ARHGEF12: variants seen among roughly 807,000 people sequenced by gnomAD.
The protein encoded by ARHGEF12 is Rho guanine nucleotide exchange factor 12, also known as KMT2A/ARHGEF12 fusion protein.
Under a neutral mutation model 211.2 loss-of-function variants are expected in ARHGEF12, and 66 were observed. The ratio of observed to expected loss-of-function variants is 0.31; its 90% CI spans 0.26 to 0.38. The LOEUF is 0.38. ARHGEF12 is among the 10% of genes least tolerant of loss of function. ARHGEF12 has a pLI of 1.00. For synonymous variants in ARHGEF12, 592 were observed against 638.4 expected (o/e 0.93, Z 1.09); for missense variants, 1,429 against 1,869.5 (o/e 0.76, Z 4.34).
At chr11:120,444,230 T>TA (rs1310390510) in intron 15 of ARHGEF12, among the ~76,000 whole-genome samples, 1 of 152,144 alleles carries the variant, frequency 6.6e-6, no homozygotes, top group African/African-American at 2.4e-5. Context: ...TTTACTTTCC[T>TA]AAAAAAATGA....
At chr11:120,353,259 A>G (rs907701537) in intron 1 of ARHGEF12, among the ~76,000 whole-genome samples, 3 of 152,200 alleles carry the variant, frequency 2.0e-5, no homozygotes, top group African/African-American at 7.2e-5. Context: ...GAAACTCAGA[A>G]TCTTGGGAAG....
chr11:120,483,258 C>CTTTTTTTTT (rs777120176), intron 39 of ARHGEF12, among the ~76,000 whole-genome samples: 1 of 97,504 alleles, frequency 1.0e-5, no homozygotes, highest in Non-Finnish European at 1.9e-5. Context: ...CCATAATAAT[C>CTTTTTTTTT]TTTTTTTTTT....
At chr11:120,420,415 A>G (rs1018642719) in intron 4 of ARHGEF12, among the ~76,000 whole-genome samples, 3 of 152,124 alleles carry the variant, frequency 2.0e-5, no homozygotes, top group Non-Finnish European at 4.4e-5. Flanking sequence ...GCAGGGGGAG[A>G]ATTTTTTTAC....
intron 28 of ARHGEF12, among the ~76,000 whole-genome samples, chr11:120,466,210 T>C (rs1946702773): frequency 6.6e-6 from 1 of 152,262 alleles, no homozygotes; most frequent in Non-Finnish European, 1.5e-5. Flanking sequence ...GCAGTTTTCA[T>C]CTGATGCTCG....
chr11:120,437,490 A>G, intron 12 of ARHGEF12, 108 bp downstream of exon 12: 3 of 661,662 alleles, frequency 4.5e-6, no homozygotes, highest in Non-Finnish European at 6.7e-6. Flanking sequence ...TATTTTTTGG[A>G]AAAAAAATTA....
intron 27 of ARHGEF12, among the ~76,000 whole-genome samples, chr11:120,461,601 C>T (rs775305881): frequency 2.0e-5 from 3 of 152,170 alleles, no homozygotes; most frequent in Non-Finnish European, 4.4e-5. Context: ...TTTTGACATG[C>T]TGAAGTCAGA....
intron 1 of ARHGEF12, among the ~76,000 whole-genome samples, chr11:120,368,315 A>G (rs1943487946): frequency 6.6e-6 from 1 of 152,138 alleles, no homozygotes; most frequent in Non-Finnish European, 1.5e-5. Context: ...TAATTTTTTA[A>G]TTCGTTTATA....
Position 120,485,184 on chromosome 11 carries a change from C to CT in ARHGEF12, c.*108dup. On this transcript the variant is annotated 3_prime_UTR_variant, in exon 41 of 41. Transcript: ENST00000397843. Reference sequence around the variant, plus strand: ...ATGCAGAGAGAGTGTGACAGAGGATCTGCCTGTGAACCACCTGGGATTAGT... The same window carrying CT: ...ATGCAGAGAGAGTGTGACAGAGGATCTTGCCTGTGAACCACCTGGGATTAGT... The CT allele has an allele frequency of 6.8e-7, 1 of 1,464,152 alleles. No individual in the cohort carries two copies. The highest frequency in any genetic ancestry group is 9.5e-7 in the Non-Finnish European group (1 of 1,053,076). The allele number at this position is 1,464,152 out of a possible 1,614,324, so 90.7% of individuals were successfully genotyped here.
chr11:120,410,473 G>A (rs1388398175), intron 4 of ARHGEF12: 1 of 152,026 alleles, frequency 6.6e-6, no homozygotes, highest in Non-Finnish European at 1.5e-5. Flanking sequence ...AATCTATAGA[G>A]CAGAAGCTCC....
At chr11:120,402,268 G>A (rs889297919) in intron 1 of ARHGEF12, among the ~76,000 whole-genome samples, 1 of 152,126 alleles carries the variant, frequency 6.6e-6, no homozygotes, top group Admixed American at 6.5e-5. Flanking sequence ...ATTTTCAATA[G>A]TATAGTTTCT....
At position 120,429,704 on chromosome 11, in the gene ARHGEF12, C is replaced by T. The variant is rs774272680; in HGVS notation, c.664-8C>T. On this transcript the variant is annotated splice_polypyrimidine_tract_variant and splice_region_variant and intron_variant, in intron 9 of 40. Transcript: ENST00000397843. ...ATTAATTCTGAAAATATTTTTATAACTTTTCAGTTATTGCAGGAAGATTAC... is the reference window on the plus strand; with the variant it reads ...ATTAATTCTGAAAATATTTTTATAATTTTTCAGTTATTGCAGGAAGATTAC... 33 of 1,606,670 alleles carry T rather than the reference C, an allele frequency of 2.1e-5. No homozygotes were observed. The highest frequency in any genetic ancestry group is 2.8e-5 in the Non-Finnish European group (33 of 1,177,918).
intron 14 of ARHGEF12, 39 bp downstream of exon 14, chr11:120,441,856 T>C: frequency 3.9e-6 from 6 of 1,557,804 alleles, no homozygotes; most frequent in Non-Finnish European, 3.5e-6. Context: ...AGAGTTCTTC[T>C]GTTGATTCAT....
chr11:120,476,705 C>T lies in ARHGEF12; in HGVS notation c.3322C>T (p.Gln1108Ter). 6.2e-7 allele frequency: 1 copy of T among 1,613,002 alleles called. No individual in the cohort carries two copies. Among genetic ancestry groups the T allele is most frequent in the South Asian group, 1.1e-5 (1 of 90,838 alleles). ...CATTTCCATGTCAGACAATGGCGCT[C>T]AGATTTATGAACTGGTGGCACAGAC... Reference protein sequence around the residue: ...FVISMSDNGAQIYELVAQTVS... With the variant: ...FVISMSDNGA The change falls in exon 34 of 41, where the codon CAG becomes TAG. Residue 1108 changes from glutamine to a stop codon, truncating the protein, a stop_gained. Transcript: ENST00000397843. LOFTEE classifies it high-confidence loss of function.
At chr11:120,383,290 C>T (rs895396854) in intron 1 of ARHGEF12, among the ~76,000 whole-genome samples, 7 of 151,926 alleles carry the variant, frequency 4.6e-5, no homozygotes, top group Non-Finnish European at 1.0e-4. Context: ...TTTTTTGGCA[C>T]CAGGGACCGG....
At chr11:120,402,611 C>T (rs1282083718) in intron 1 of ARHGEF12, among the ~76,000 whole-genome samples, 1 of 152,044 alleles carries the variant, frequency 6.6e-6, no homozygotes, top group Non-Finnish European at 1.5e-5. Flanking sequence ...TAAGAAGAAC[C>T]AACTACAGTC....
intron 1 of ARHGEF12, among the ~76,000 whole-genome samples, chr11:120,383,412 CATT>C (rs1943933493): frequency 6.6e-6 from 1 of 152,040 alleles, no homozygotes; most frequent in African/African-American, 2.4e-5. Flanking sequence ...ACCTTATTTT[CATT>C]ATTATTACAT....
At chr11:120,407,713 A>T in intron 2 of ARHGEF12, 25 bp from the exon 3 acceptor site, 1 of 1,572,000 alleles carries the variant, frequency 6.4e-7, no homozygotes, top group Non-Finnish European at 8.7e-7. Flanking sequence ...TGCACTAAGC[A>T]TTTGATTACT....
At chr11:120,445,615 G>A in intron 16 of ARHGEF12, 151 bp downstream of exon 16, 1 of 858,498 alleles carries the variant, frequency 1.2e-6, no homozygotes, top group East Asian at 2.6e-5. Flanking sequence ...AAGAGTAAAT[G>A]AGGCCGGGCG....
intron 1 of ARHGEF12, among the ~76,000 whole-genome samples, chr11:120,373,854 C>A (rs1943654480): frequency 6.6e-6 from 1 of 152,214 alleles, no homozygotes; most frequent in Non-Finnish European, 1.5e-5. Flanking sequence ...GTTGCCTGGG[C>A]TGGAGTGCAA....
Sources: gnomAD v4.1 joint callset for allele counts (sites outside exome capture counted in the v4.1 genomes callset) on GRCh38, gnomAD v4.1.1 for gene constraint, MANE v1.5 for transcripts, NCBI Gene and HGNC (gene_info 2026-07-23, HGNC 2026-07-21) for gene names.